MEF2C: variants seen among roughly 807,000 people sequenced by gnomAD.
The protein encoded by MEF2C is myocyte enhancer factor 2C.
MEF2C carries 6 observed loss-of-function variants against 50.5 expected under a neutral mutation model. The observed-to-expected ratio is 0.12, with a 90% CI of 0.07 to 0.23. The LOEUF is 0.23. MEF2C is among the 10% of genes least tolerant of loss of function. MEF2C has a pLI of 1.00. For missense variants in MEF2C, 276 were observed against 605.0 expected (o/e 0.46, Z 5.70); for synonymous variants, 183 against 228.0 (o/e 0.80, Z 1.78).
At chr5:88,830,345 G>C (rs1055076554) in intron 1 of MEF2C, among the ~76,000 whole-genome samples, 1 of 151,896 alleles carries the variant, frequency 6.6e-6, no homozygotes. Context: ...GGCTAAAAAG[G>C]AACTCGTTTT....
chr5:88,732,820 G>C lies in MEF2C; in HGVS notation c.638-919C>G, dbSNP rs78789605. On this transcript the variant is annotated intron_variant, in intron 6 of 10. Coordinates refer to ENST00000504921, the MANE Select transcript of MEF2C (RefSeq NM_002397.5). Reference sequence around the variant, plus strand: ...TCCACTGCCTCTGAAGGGAGAATAAGAGAACTCAGCTACCTGATTCAACAA... The same window carrying C: ...TCCACTGCCTCTGAAGGGAGAATAACAGAACTCAGCTACCTGATTCAACAA... 5.4e-3 allele frequency among the ~76,000 whole-genome samples: 816 copies of C among 152,334 alleles called. 6 individuals carry two copies. Among genetic ancestry groups the C allele is most frequent in the African/African-American group, 0.019 (790 of 41,580 alleles).
chr5:88,794,126 G>C (rs1442093814), intron 3 of MEF2C, among the ~76,000 whole-genome samples: 1 of 152,102 alleles, frequency 6.6e-6, no homozygotes, highest in African/African-American at 2.4e-5. Flanking sequence ...TGTCTTTATA[G>C]CATCATGATT....
At chr5:88,814,197 T>C (rs1804224453) in intron 2 of MEF2C, among the ~76,000 whole-genome samples, 2 of 152,112 alleles carry the variant, frequency 1.3e-5, no homozygotes, top group Non-Finnish European at 2.9e-5. Context: ...CAGTAAGTAA[T>C]GGCACAAATG....
In MEF2C at chr5:88,804,619, C is replaced by T. The variant is rs1799619981; in HGVS notation, c.237G>A (p.Arg79=). Residue 79 remains arginine (R), a synonymous_variant, in exon 3 of 11, where the codon CGG becomes CGA. Coordinates refer to ENST00000504921, the MANE Select transcript of MEF2C (RefSeq NM_002397.5). ...YTEYNEPHES[R]TNSDIVETLR... ...TCACCTCCACGATGTCTGAGTTTGT[C>T]CGGCTCTCATGCGGCTCGTTGTACT... The T allele has an allele frequency of 6.2e-7, 1 of 1,613,962 alleles. No individual in the cohort carries two copies. Among genetic ancestry groups the T allele is most frequent in the Admixed American group, 1.7e-5 (1 of 60,000 alleles).
At chr5:88,823,589 T>C in intron 2 of MEF2C, 146 bp downstream of exon 2, 1 of 634,824 alleles carries the variant, frequency 1.6e-6, no homozygotes, top group Non-Finnish European at 2.6e-6. Context: ...TATAAGAGAC[T>C]ATCAGCACTT....
intron 1 of MEF2C, among the ~76,000 whole-genome samples, chr5:88,842,376 T>C (rs565600497): frequency 1.0e-3 from 154 of 152,250 alleles, no homozygotes; most frequent in African/African-American, 3.4e-3. Context: ...ACAAGAAAGC[T>C]AACTCACTTT....
At chr5:88,884,469 C>A (rs1481831069), upstream of MEF2C, 1 of 152,092 alleles carries the variant, frequency 6.6e-6, no homozygotes, top group African/African-American at 2.4e-5. Flanking sequence ...TAGTAATGTA[C>A]GAAATAATAA....
intron 2 of MEF2C, among the ~76,000 whole-genome samples, chr5:88,816,465 C>CTTTTTTTT (rs70996497): frequency 3.4e-4 from 29 of 86,130 alleles, no homozygotes; most frequent in Non-Finnish European, 4.6e-4. Context: ...CTGCCTACTG[C>CTTTTTTTT]TTTTTTTTTT....
At chr5:88,751,629 T>G (rs755367597) in intron 5 of MEF2C, among the ~76,000 whole-genome samples, 1 of 151,992 alleles carries the variant, frequency 6.6e-6, no homozygotes, top group Non-Finnish European at 1.5e-5. Flanking sequence ...CAGGAGGAGA[T>G]AGGTGACAGA....
chr5:88,826,436 G>C (rs560950166), intron 1 of MEF2C, among the ~76,000 whole-genome samples: 1 of 152,044 alleles, frequency 6.6e-6, no homozygotes, highest in Non-Finnish European at 1.5e-5. Flanking sequence ...AATATGTGGT[G>C]ATGATGACAC....
intron 1 of MEF2C, among the ~76,000 whole-genome samples, chr5:88,856,696 C>T (rs1276564844): frequency 6.6e-6 from 1 of 152,244 alleles, no homozygotes; most frequent in East Asian, 1.9e-4. Context: ...TCAGAGGGTT[C>T]AAGCTCCAAG....
intron 2 of MEF2C, among the ~76,000 whole-genome samples, chr5:88,809,942 T>C (rs1802076670): frequency 6.6e-6 from 1 of 152,318 alleles, no homozygotes; most frequent in Non-Finnish European, 1.5e-5. Context: ...CAGCACTTTT[T>C]ACAAATCTTT....
At chr5:88,883,812 T>C (rs946235308), upstream of MEF2C, 2 of 151,970 alleles carry the variant, frequency 1.3e-5, no homozygotes, top group Admixed American at 1.3e-4. Context: ...ATACAGCAGC[T>C]CCCTCCTCAC....
chr5:88,725,221 C>T (rs1452266438), intron 10 of MEF2C, among the ~76,000 whole-genome samples: 1 of 152,084 alleles, frequency 6.6e-6, no homozygotes, highest in East Asian at 1.9e-4. Flanking sequence ...TCCCTTCCTA[C>T]AAACAGACTA....
At chr5:88,735,724 C>T (rs1763794756) in intron 6 of MEF2C, 1 of 985,358 alleles carries the variant, frequency 1.0e-6, no homozygotes, top group Non-Finnish European at 1.2e-6. Flanking sequence ...AGTTAACTTG[C>T]AAACACTTGC....
intron 6 of MEF2C, chr5:88,748,193 G>T (rs1770847405): frequency 3.1e-6 from 3 of 983,464 alleles, no homozygotes; most frequent in Non-Finnish European, 3.6e-6. Context: ...TAATTAGCAG[G>T]CTATTCTACT....
chr5:88,768,112 C>T (rs149136031), intron 3 of MEF2C, among the ~76,000 whole-genome samples: 3 of 152,330 alleles, frequency 2.0e-5, no homozygotes, highest in Non-Finnish European at 4.4e-5. Context: ...ATCAGTTTCT[C>T]CTTCATTCAG....
intron 3 of MEF2C, among the ~76,000 whole-genome samples, chr5:88,786,823 C>A (rs1791155378): frequency 6.6e-6 from 1 of 152,184 alleles, no homozygotes; most frequent in Non-Finnish European, 1.5e-5. Context: ...TCTACTTATT[C>A]AAGGCCATGC....
chr5:88,818,351 A>G (rs1320314164), intron 2 of MEF2C, among the ~76,000 whole-genome samples: 1 of 151,950 alleles, frequency 6.6e-6, no homozygotes, highest in Non-Finnish European at 1.5e-5. Flanking sequence ...AAATACAATA[A>G]AAGTGTCACA....
Sources: gnomAD v4.1 joint callset for allele counts (sites outside exome capture counted in the v4.1 genomes callset) on GRCh38, gnomAD v4.1.1 for gene constraint, MANE v1.5 for transcripts, NCBI Gene and HGNC (gene_info 2026-07-23, HGNC 2026-07-21) for gene names.